Variants in MAPKAP1 observed in about 807,000 individuals in gnomAD.
MAPKAP1 encodes MAPK associated protein 1, also known as target of rapamycin complex 2 subunit MAPKAP1.
A neutral mutation model predicts 65.7 loss-of-function variants in MAPKAP1; 20 were observed. The ratio of observed to expected loss-of-function variants is 0.30; its 90% CI spans 0.21 to 0.44. The LOEUF is 0.44. MAPKAP1 is among the 20% of genes least tolerant of loss of function. The probability of loss-of-function intolerance (pLI) is 1.00; values close to 1 mark genes in which losing one functional copy is unlikely to be tolerated. For synonymous variants in MAPKAP1, 222 were observed against 244.3 expected (o/e 0.91, Z 0.85); for missense variants, 423 against 648.0 (o/e 0.65, Z 3.77).
chr9:125,571,874 A>C (rs1018788658), intron 5 of MAPKAP1, among the ~76,000 whole-genome samples: 6 of 152,100 alleles, frequency 3.9e-5, no homozygotes, highest in Admixed American at 2.6e-4. Flanking sequence ...AAAATAAATA[A>C]ATAAATAAAT....
At chr9:125,460,006 C>T (rs1345248013) in intron 10 of MAPKAP1, among the ~76,000 whole-genome samples, 1 of 147,110 alleles carries the variant, frequency 6.8e-6, no homozygotes, top group Non-Finnish European at 1.5e-5. Context: ...CAATTTGGAG[C>T]TTGGCAGGAG....
chr9:125,693,422 A>T (rs1413225719), intron 1 of MAPKAP1, among the ~76,000 whole-genome samples: 15 of 135,518 alleles, frequency 1.1e-4, no homozygotes, highest in East Asian at 4.0e-4. Flanking sequence ...CTCAAAAAAA[A>T]AAAAATATAT....
In MAPKAP1 at chr9:125,657,631, A is replaced by G. The variant is rs1384062922; in HGVS notation, c.498+20T>C. ...CAATTACAGTTTTACTTAAAGGGAC[A>G]AAGTCTCATTTTTACTTACCTTGCC... On this transcript the variant is annotated intron_variant, in intron 4 of 11. Coordinates refer to ENST00000265960, the MANE Select transcript of MAPKAP1 (RefSeq NM_001006617.3). 6.3e-7 allele frequency: 1 copy of G among 1,591,552 alleles called. No homozygotes were observed. Among genetic ancestry groups the G allele is most frequent in the South Asian group, 1.2e-5 (1 of 86,562 alleles).
intron 6 of MAPKAP1, among the ~76,000 whole-genome samples, chr9:125,555,104 GT>G (rs1830699818): frequency 6.6e-6 from 1 of 152,012 alleles, no homozygotes; most frequent in Non-Finnish European, 1.5e-5. Context: ...TCTGTATTTA[GT>G]TTGTAATTTT....
intron 5 of MAPKAP1, among the ~76,000 whole-genome samples, chr9:125,575,420 T>C (rs1029666498): frequency 6.6e-6 from 1 of 152,094 alleles, no homozygotes; most frequent in African/African-American, 2.4e-5. Flanking sequence ...CCACCAACTT[T>C]CCCTAAGCAG....
intron 1 of MAPKAP1, among the ~76,000 whole-genome samples, chr9:125,688,174 T>C (rs1835046593): frequency 6.6e-6 from 1 of 151,988 alleles, no homozygotes; most frequent in Non-Finnish European, 1.5e-5. Flanking sequence ...GTTTTGCTCT[T>C]GTCATCCAGG....
At chr9:125,508,374 G>C (rs1829205091) in intron 7 of MAPKAP1, among the ~76,000 whole-genome samples, 1 of 152,164 alleles carries the variant, frequency 6.6e-6, no homozygotes, top group African/African-American at 2.4e-5. Flanking sequence ...GGCCCCTTTA[G>C]TCTAGCAGAG....
intron 1 of MAPKAP1, among the ~76,000 whole-genome samples, chr9:125,693,584 T>C (rs1376562610): frequency 6.7e-6 from 1 of 149,166 alleles, no homozygotes; most frequent in Non-Finnish European, 1.5e-5. Context: ...CACACATATA[T>C]ACACGTATAC....
chr9:125,577,210 C>T (rs1169699771), intron 5 of MAPKAP1, among the ~76,000 whole-genome samples: 2 of 151,896 alleles, frequency 1.3e-5, no homozygotes, highest in African/African-American at 4.8e-5. Context: ...GCCCGGCTGC[C>T]CCGTCTGAGA....
chr9:125,456,212 C>T (rs776878609), intron 10 of MAPKAP1, among the ~76,000 whole-genome samples: 7 of 152,200 alleles, frequency 4.6e-5, no homozygotes, highest in East Asian at 3.9e-4. Flanking sequence ...TATAATGTGC[C>T]TTGGTGTGGT....
intron 4 of MAPKAP1, chr9:125,652,126 G>A: frequency 3.1e-6 from 4 of 1,301,686 alleles, no homozygotes; most frequent in Non-Finnish European, 4.0e-6. Flanking sequence ...CCTTTTCTGA[G>A]TTTGCAACAT....
At chr9:125,592,658 G>A (rs952425710) in intron 4 of MAPKAP1, among the ~76,000 whole-genome samples, 12 of 151,848 alleles carry the variant, frequency 7.9e-5, no homozygotes, top group South Asian at 2.1e-4. Flanking sequence ...TAATCCCAGC[G>A]CTTTGGGAGG....
chr9:125,532,327 G>A (rs916543292), intron 7 of MAPKAP1, among the ~76,000 whole-genome samples: 8 of 152,208 alleles, frequency 5.3e-5, no homozygotes, highest in African/African-American at 1.9e-4. Flanking sequence ...TAAGTATTCA[G>A]TAGATGTAAT....
In MAPKAP1 at chr9:125,439,150, G is replaced by T; in HGVS notation, c.1444-138C>A. The T allele has an allele frequency of 1.1e-6, 1 of 895,276 alleles. No homozygotes were observed. Among genetic ancestry groups the T allele is most frequent in the Non-Finnish European group, 1.7e-6 (1 of 601,900 alleles). The allele number at this position is 895,276 out of a possible 1,614,324, so 55.5% of individuals were successfully genotyped here. On this transcript the variant is annotated intron_variant, in intron 11 of 11. Transcript: ENST00000265960. The surrounding 1 kb of genome is among the most constrained non-coding windows in gnomAD (Gnocchi z 4.0). ...GGTGCTGTCGTGTGGAAGGAGTCCA[G>T]TCATCACAGCAACCTGGCAGCGGCT...
At chr9:125,507,286 A>C (rs1829169545) in intron 7 of MAPKAP1, among the ~76,000 whole-genome samples, 1 of 152,218 alleles carries the variant, frequency 6.6e-6, no homozygotes, top group Non-Finnish European at 1.5e-5. Flanking sequence ...TCAGATTCAA[A>C]AGACTGCTCC....
chr9:125,466,039 CTGCAAAGGCTATGCTGGTCTG>C (rs1853659379), intron 10 of MAPKAP1, among the ~76,000 whole-genome samples: 1 of 152,190 alleles, frequency 6.6e-6, no homozygotes, highest in Non-Finnish European at 1.5e-5. Flanking sequence ...TTGCCAATGT[CTGCAAAGGCTATGCTGGTCTG>C]CATTTTATTC....
rs1338994819 is a variant in MAPKAP1 at position 125,506,364 on chromosome 9, C to T, written c.1012G>A (p.Asp338Asn). The T allele has an allele frequency of 6.2e-7, 1 of 1,614,084 alleles. No homozygotes were observed. The highest frequency in any genetic ancestry group is 1.7e-5 in the Admixed American group (1 of 60,014). Residue 338 changes from aspartate (D) to asparagine (N), a missense_variant, in exon 8 of 12, where the codon GAC (aspartate) becomes AAC (asparagine). This residue lies in a region of MAPKAP1 where 185 missense variants were observed against 268.1 expected (regional missense o/e 0.69). Transcript: ENST00000265960. ...GCGCTCTGGCTCTCCAAAGTGCTGT[C>T]CAGGTCAACGGCGACATTGGGCTCG... is the stretch of plus-strand genomic sequence containing the variant. ...QSEPNVAVDL[D>N]STLESQSAWE...
chr9:125,444,032 A>G (rs189651832), intron 11 of MAPKAP1, among the ~76,000 whole-genome samples: 15 of 152,310 alleles, frequency 9.8e-5, no homozygotes, highest in African/African-American at 3.6e-4. Context: ...CTCAGTGAGT[A>G]TACTGTTTAG....
chr9:125,621,059 C>A (rs577998913), intron 4 of MAPKAP1, among the ~76,000 whole-genome samples: 3 of 152,066 alleles, frequency 2.0e-5, no homozygotes, highest in Admixed American at 6.5e-5. Flanking sequence ...ACTGGTTGAG[C>A]GCAGGAGTTT....
Sources: gnomAD v4.1 joint callset for allele counts (sites outside exome capture counted in the v4.1 genomes callset) on GRCh38, gnomAD v4.1.1 for gene constraint, gnomAD v4.1.1 regional missense constraint, Gnocchi (gnomAD v3.1) non-coding constraint, MANE v1.5 for transcripts, NCBI Gene and HGNC (gene_info 2026-07-23, HGNC 2026-07-21) for gene names.